The following KALRN variants were observed in gnomAD, a reference collection of about 807,000 sequenced individuals.
KALRN encodes the protein kalirin.
In KALRN, 70 loss-of-function variants were observed where a neutral mutation model predicts 353.7. The ratio of observed to expected loss-of-function variants is 0.20; its 90% confidence interval spans 0.16 to 0.24. The LOEUF is 0.24. Ranked by LOEUF, KALRN falls within the 10% of genes least tolerant of loss-of-function variation. The pLI, the probability that KALRN is intolerant of heterozygous loss-of-function variation, is 1.00. For synonymous variants in KALRN, 1,391 were observed against 1,434.8 expected (o/e 0.97, Z 0.69); for missense variants, 2,791 against 3,756.7 (o/e 0.74, Z 6.72).
chr3:124,043,698 G>A (rs1017454374), intron 1 of KALRN, among the ~76,000 whole-genome samples: 4 of 152,152 alleles, frequency 2.6e-5, no homozygotes, highest in African/African-American at 4.8e-5. Flanking sequence ...GGGCTGAGCT[G>A]TTGTGGCCCT....
intron 13 of KALRN, among the ~76,000 whole-genome samples, chr3:124,411,005 C>G (rs898805929): frequency 1.3e-5 from 2 of 152,178 alleles, no homozygotes; most frequent in African/African-American, 4.8e-5. Context: ...CAATGATACT[C>G]TACTCAGCTG....
chr3:124,198,218 A>C (rs1415284348), intron 1 of KALRN, among the ~76,000 whole-genome samples: 1 of 152,100 alleles, frequency 6.6e-6, no homozygotes, highest in Non-Finnish European at 1.5e-5. Flanking sequence ...AAGTCTCTGG[A>C]GTGTGGTGCT....
chr3:124,627,847 T>C (rs529656422), intron 34 of KALRN, among the ~76,000 whole-genome samples: 2 of 152,368 alleles, frequency 1.3e-5, no homozygotes, highest in African/African-American at 4.8e-5. Context: ...TACAGCTTTT[T>C]CCTTAAAGAG....
At chr3:124,567,210 T>C (rs2072957186) in intron 34 of KALRN, among the ~76,000 whole-genome samples, 1 of 151,984 alleles carries the variant, frequency 6.6e-6, no homozygotes, top group South Asian at 2.1e-4. Flanking sequence ...GAATCTAAGG[T>C]GCAGTCAGGG....
At chr3:124,562,790 C>A (rs2072227331) in intron 33 of KALRN, 53 bp from the exon 34 acceptor site, 8 of 1,271,620 alleles carry the variant, frequency 6.3e-6, no homozygotes, top group Non-Finnish European at 8.3e-6. Context: ...CATATTTCTC[C>A]CCCCTTCCTC....
At chr3:124,386,729 A>G (rs1035759583) in intron 11 of KALRN, among the ~76,000 whole-genome samples, 2 of 152,216 alleles carry the variant, frequency 1.3e-5, no homozygotes, top group Admixed American at 6.5e-5. Flanking sequence ...GTGATAATAA[A>G]TAATAATAAT....
intron 23 of KALRN, 82 bp from the exon 24 acceptor site, chr3:124,461,808 A>C (rs373870442): frequency 4.2e-6 from 4 of 962,462 alleles, no homozygotes; most frequent in African/African-American, 3.2e-5. Flanking sequence ...AATGTCATAC[A>C]TGCTGGGGTG....
chr3:124,353,862 C>T (rs2083096570), intron 10 of KALRN, among the ~76,000 whole-genome samples: 1 of 152,176 alleles, frequency 6.6e-6, no homozygotes, highest in South Asian at 2.1e-4. Context: ...AAAGGATAGT[C>T]TTGCCCTTTG....
At chr3:124,421,540 A>G (rs553819474) in intron 14 of KALRN, among the ~76,000 whole-genome samples, 2 of 152,340 alleles carry the variant, frequency 1.3e-5, no homozygotes, top group African/African-American at 2.4e-5. Flanking sequence ...GTAAATTCAT[A>G]TTTTACATAT....
At chr3:124,699,723 C>A in intron 55 of KALRN, 146 bp from the exon 56 acceptor site, 1 of 715,808 alleles carries the variant, frequency 1.4e-6, no homozygotes, top group Non-Finnish European at 2.3e-6. Flanking sequence ...CCATAGTTAG[C>A]CTACAGGCTT....
At chr3:124,101,183 G>A (rs924796262) in intron 1 of KALRN, among the ~76,000 whole-genome samples, 1 of 152,150 alleles carries the variant, frequency 6.6e-6, no homozygotes, top group Admixed American at 6.5e-5. Context: ...TCCCAGAAAA[G>A]CAATTGACCT....
chr3:124,326,873 AG>A (rs1158393406), intron 7 of KALRN, among the ~76,000 whole-genome samples: 1 of 152,248 alleles, frequency 6.6e-6, no homozygotes, highest in Non-Finnish European at 1.5e-5. Flanking sequence ...TTATGTTAAA[AG>A]CAAAGTTAAT....
chr3:124,274,590 G>A (rs1352297717), intron 5 of KALRN, among the ~76,000 whole-genome samples: 2 of 152,208 alleles, frequency 1.3e-5, no homozygotes, highest in Non-Finnish European at 2.9e-5. Flanking sequence ...GGGGCTTCCA[G>A]TATTGAAATC....
chr3:124,171,485 G>A (rs1389429018), intron 1 of KALRN, among the ~76,000 whole-genome samples: 3 of 152,202 alleles, frequency 2.0e-5, no homozygotes, highest in Non-Finnish European at 2.9e-5. Flanking sequence ...AAGAGAACGA[G>A]AGCGGAAGCT....
At chr3:124,439,173 C>CTTT in intron 18 of KALRN, 136 bp downstream of exon 18, 5 of 736,224 alleles carry the variant, frequency 6.8e-6, no homozygotes, top group Non-Finnish European at 2.2e-6. Context: ...TTCTCCTCCT[C>CTTT]CTCCTTCTTC....
At chr3:124,160,593 C>T (rs1275696702) in intron 1 of KALRN, among the ~76,000 whole-genome samples, 1 of 151,774 alleles carries the variant, frequency 6.6e-6, no homozygotes, top group African/African-American at 2.4e-5. Flanking sequence ...TCTGGGCCAT[C>T]AGGCAGCTCT....
chr3:124,538,430 G>C, intron 33 of KALRN, among the ~76,000 whole-genome samples: 1 of 152,184 alleles, frequency 6.6e-6, no homozygotes, highest in Middle Eastern at 3.2e-3. Context: ...GGTTGTGTGT[G>C]TGCATTGTGA....
At chr3:124,310,689 C>G (rs966374823) in intron 6 of KALRN, among the ~76,000 whole-genome samples, 1 of 152,116 alleles carries the variant, frequency 6.6e-6, no homozygotes, top group Non-Finnish European at 1.5e-5. Flanking sequence ...ACAAATGGTG[C>G]TGGGACAACT....
chr3:124,217,965 A>T (rs1396409570), intron 1 of KALRN, among the ~76,000 whole-genome samples: 1 of 152,136 alleles, frequency 6.6e-6, no homozygotes, highest in Non-Finnish European at 1.5e-5. Context: ...CTGGAGCAGG[A>T]GTGGCATGGT....
Sources: gnomAD v4.1 joint callset for allele counts (sites outside exome capture counted in the v4.1 genomes callset) on GRCh38, gnomAD v4.1.1 for gene constraint, MANE v1.5 for transcripts, NCBI Gene and HGNC (gene_info 2026-07-23, HGNC 2026-07-21) for gene names.